Variants in MAP3K15 observed in about 807,000 individuals in gnomAD.
MAP3K15 encodes MAPK/ERK kinase kinase 15.
A neutral mutation model predicts 99.5 loss-of-function variants in MAP3K15; 124 were observed. The ratio of observed to expected loss-of-function variants is 1.25; its 90% CI spans 1.08 to 1.45. The LOEUF (loss-of-function observed/expected upper bound fraction) is 1.45, where lower values mean the gene tolerates loss of function less well. Among genes scored for constraint, MAP3K15 ranks in the 40% most tolerant of loss-of-function variants. The pLI, the probability that MAP3K15 is intolerant of heterozygous loss-of-function variation, is 0.00. For missense variants in MAP3K15, 1,242 were observed against 1,079.7 expected (o/e 1.15, Z -2.11); for synonymous variants, 494 against 439.6 (o/e 1.12, Z -1.55).
At chrX:19,441,611 T>G (rs2063960871) in intron 6 of MAP3K15, among the ~76,000 whole-genome samples, 1 of 110,658 alleles carries the variant, frequency 9.0e-6, no homozygotes, top group African/African-American at 3.3e-5. Flanking sequence ...TGCACCATAA[T>G]GCCTGGTTAA....
At chrX:19,399,753 A>C (rs867374831) in intron 14 of MAP3K15, among the ~76,000 whole-genome samples, 4 of 97,619 alleles carry the variant, frequency 4.1e-5, no homozygotes, top group African/African-American at 1.3e-4. Context: ...AAAAAAAAAA[A>C]AAAAAAAAAA....
At chrX:19,419,953 G>A (rs187698364) in intron 9 of MAP3K15, among the ~76,000 whole-genome samples, 3,065 of 111,749 alleles carry the variant, frequency 0.027, 109 homozygotes, top group African/African-American at 0.092. Context: ...GGTACATAAC[G>A]AAATGAAGGC....
chrX:19,390,580 T>A (rs1466274039), intron 18 of MAP3K15, among the ~76,000 whole-genome samples: 1 of 106,041 alleles, frequency 9.4e-6, no homozygotes, highest in Non-Finnish European at 1.9e-5. Context: ...TAATAATAAT[T>A]ATTTATTTTT....
intron 6 of MAP3K15, among the ~76,000 whole-genome samples, chrX:19,443,022 C>CTTT (rs35963207): frequency 0.51 from 8,750 of 17,224 alleles, 3,853 homozygotes; most frequent in South Asian, 0.62. Flanking sequence ...CCATGCCCGG[C>CTTT]TTTTTTTTTT....
chrX:19,360,777 TCCTGAGCC>T lies in MAP3K15; in HGVS notation c.3906_3913del (p.Ala1303GlyfsTer14). Reference sequence around the variant, plus strand: ...AGCCTTGTCTTTGGTTTCTGAGGCCTCCTGAGCCCTTCTGTACTGGGAGACCGCACTCC... The same window carrying T: ...AGCCTTGTCTTTGGTTTCTGAGGCCTCTTCTGTACTGGGAGACCGCACTCC... On this transcript the variant is annotated frameshift_variant, in exon 29 of 29. Coordinates refer to ENST00000338883, the MANE Select transcript of MAP3K15 (RefSeq NM_001001671.4). LOFTEE classifies it low-confidence loss of function (END_TRUNC). 1 of 1,209,703 alleles carries T rather than the reference TCCTGAGCC, an allele frequency of 8.3e-7. No individual in the cohort carries two copies. The highest frequency in any genetic ancestry group is 1.1e-6 in the Non-Finnish European group (1 of 894,587).
At chrX:19,466,347 T>C (rs933377610) in intron 3 of MAP3K15, among the ~76,000 whole-genome samples, 5 of 111,821 alleles carry the variant, frequency 4.5e-5, no homozygotes, top group Non-Finnish European at 7.5e-5. Context: ...GTAATCCCCA[T>C]GTGTCAAGGT....
chrX:19,512,261 C>T (rs979763414), intron 1 of MAP3K15, among the ~76,000 whole-genome samples: 8 of 111,470 alleles, frequency 7.2e-5, no homozygotes, highest in Non-Finnish European at 1.3e-4. Context: ...AGCAAACCAC[C>T]ATGGCACATG....
In MAP3K15 at chrX:19,434,142, A is replaced by C. The variant is rs574814843; in HGVS notation, c.996-2534T>G. Among the ~76,000 whole-genome samples, 91 of 112,422 alleles carry C rather than the reference A, an allele frequency of 8.1e-4. 1 individual carries two copies. The South Asian group carries it at 0.031, about 39-fold the overall frequency. ...GTTCAGAAAATCATTGCTGGGATTT[A>C]TACAAGGTGGTCCTGGGTATATTTT... On this transcript the variant is annotated intron_variant, in intron 6 of 28. Transcript: ENST00000338883.
In MAP3K15 at chrX:19,451,942, C is replaced by G. The variant is rs779868786; in HGVS notation, c.995+4971G>C. Among the ~76,000 whole-genome samples the G allele has an allele frequency of 3.7e-5, 4 of 107,541 alleles. No individual in the cohort carries two copies. The East Asian group carries it at 1.2e-3, about 31-fold the overall frequency. 93.4% of individuals were successfully genotyped at this position (107,541 alleles called of 115,157 possible). A position where few individuals can be genotyped will look rare whatever the true frequency, so the allele number is the denominator to read the frequency against. ...GGTGTGGTGGTGTGCACCTGTAGTC[C>G]CAGCTACTCAGGTGGCTGAAGCAGG... is the stretch of plus-strand genomic sequence containing the variant. On this transcript the variant is annotated intron_variant, in intron 6 of 28. Coordinates refer to ENST00000338883, the MANE Select transcript of MAP3K15 (RefSeq NM_001001671.4).
intron 6 of MAP3K15, among the ~76,000 whole-genome samples, chrX:19,451,666 G>T (rs1461881904): frequency 3.7e-5 from 4 of 108,825 alleles, no homozygotes; most frequent in Non-Finnish European, 3.8e-5. Context: ...AAAAAAAAAA[G>T]GAAAACAGAA....
At chrX:19,478,657 A>G (rs1430038868) in intron 3 of MAP3K15, among the ~76,000 whole-genome samples, 1 of 110,802 alleles carries the variant, frequency 9.0e-6, no homozygotes, top group Non-Finnish European at 1.9e-5. Flanking sequence ...AATGGCAACA[A>G]TGAGTTTCTC....
chrX:19,427,673 A>T (rs2063843015), intron 7 of MAP3K15, among the ~76,000 whole-genome samples: 1 of 111,959 alleles, frequency 8.9e-6, no homozygotes, highest in African/African-American at 3.2e-5. Context: ...GGAAAAAAAG[A>T]ACTCAATGAA....
intron 12 of MAP3K15, 145 bp from the exon 13 acceptor site, chrX:19,407,428 C>T: frequency 2.7e-6 from 1 of 370,069 alleles, no homozygotes; most frequent in South Asian, 6.6e-5. Context: ...CCTTTTATTT[C>T]TCTATGAAAT....
chrX:19,371,169 C>G, intron 23 of MAP3K15, 105 bp from the exon 24 acceptor site: 2 of 779,150 alleles, frequency 2.6e-6, no homozygotes, highest in Non-Finnish European at 3.7e-6. Flanking sequence ...TCTTGGGGGC[C>G]GCATGCAATC....
At chrX:19,478,394 T>C (rs1159826783) in intron 3 of MAP3K15, among the ~76,000 whole-genome samples, 1 of 107,082 alleles carries the variant, frequency 9.3e-6, no homozygotes, top group Non-Finnish European at 1.9e-5. Flanking sequence ...AGAAACTTAA[T>C]TGTCTTTCTA....
chrX:19,513,246 C>A (rs1403087680), intron 1 of MAP3K15, among the ~76,000 whole-genome samples: 1 of 111,358 alleles, frequency 9.0e-6, no homozygotes, highest in African/African-American at 3.3e-5. Context: ...GCCCCCCGTA[C>A]ACACACACTC....
At chrX:19,361,827 A>C in intron 26 of MAP3K15, 1 of 318,088 alleles carries the variant, frequency 3.1e-6, no homozygotes, top group East Asian at 5.8e-5. Flanking sequence ...TTGACATGTT[A>C]GGTCTACCAC....
intron 14 of MAP3K15, among the ~76,000 whole-genome samples, chrX:19,399,440 T>C (rs1444690373): frequency 9.0e-6 from 1 of 111,571 alleles, no homozygotes; most frequent in Non-Finnish European, 1.9e-5. Flanking sequence ...GGCACGTGCC[T>C]GTGGTCCCAG....
Position 19,431,626 on chromosome X carries a change from T to G in MAP3K15, c.996-18A>C, listed in dbSNP as rs759594988. 8 of 1,180,298 alleles carry G rather than the reference T, an allele frequency of 6.8e-6. No individual in the cohort carries two copies. The highest frequency in any genetic ancestry group is 9.1e-6 in the Non-Finnish European group (8 of 882,741). On this transcript the variant is annotated intron_variant, in intron 6 of 28. Coordinates refer to ENST00000338883, the MANE Select transcript of MAP3K15 (RefSeq NM_001001671.4). ...TGTTTCTCCTGAAAGATAGATGTTA[T>G]AAGGTCACAAATGAATCAATCAAGA...
Sources: allele counts gnomAD v4.1 joint callset (sites outside exome capture counted in the v4.1 genomes callset), GRCh38; gene constraint gnomAD v4.1.1; transcripts MANE v1.5; gene names NCBI Gene and HGNC (gene_info 2026-07-23, HGNC 2026-07-21).